The following ZNF521 variants were observed in gnomAD, a reference collection of about 807,000 sequenced individuals.
ZNF521 encodes zinc finger protein 521.
ZNF521 carries 14 observed loss-of-function variants against 105.5 expected under a neutral mutation model. The observed-to-expected ratio is 0.13, with a 90% CI of 0.09 to 0.21. The LOEUF (loss-of-function observed/expected upper bound fraction) is 0.21. Among genes scored for constraint, ZNF521 ranks in the 10% least tolerant of loss-of-function variants. ZNF521 has a pLI of 1.00. For synonymous variants in ZNF521, 635 were observed against 606.0 expected, an observed-to-expected ratio of 1.05 and a Z score of -0.70; for missense variants, 1,233 against 1,629.7, an observed-to-expected ratio of 0.76 and a Z score of 4.19.
At chr18:25,335,209 A>G (rs1290564765) in intron 2 of ZNF521, among the ~76,000 whole-genome samples, 1 of 152,222 alleles carries the variant, frequency 6.6e-6, no homozygotes, top group Non-Finnish European at 1.5e-5. Context: ...TTTTCCTCCC[A>G]TCACCTAAAA....
chr18:25,152,472 C>T (rs370913828), intron 5 of ZNF521, among the ~76,000 whole-genome samples: 2 of 144,072 alleles, frequency 1.4e-5, no homozygotes, highest in African/African-American at 5.3e-5. Flanking sequence ...GAGCGAGACT[C>T]GGTCTCAAAA....
intron 4 of ZNF521, among the ~76,000 whole-genome samples, chr18:25,216,127 T>C (rs1037671081): frequency 7.2e-5 from 11 of 152,252 alleles, no homozygotes; most frequent in Admixed American, 2.0e-4. Flanking sequence ...AAATATTTTT[T>C]AATCAACCTG....
chr18:25,153,957 A>G (rs45481291), intron 5 of ZNF521, among the ~76,000 whole-genome samples: 2,053 of 152,334 alleles, frequency 0.013, 22 homozygotes, highest in Non-Finnish European at 0.021. Context: ...TGGTTCTAAG[A>G]AATCAGGAAT....
At chr18:25,343,023 T>C (rs1914292684) in intron 2 of ZNF521, among the ~76,000 whole-genome samples, 1 of 152,238 alleles carries the variant, frequency 6.6e-6, no homozygotes. Context: ...CAGAAACTCC[T>C]ATAATATGGC....
chr18:25,226,142 C>T lies in ZNF521; in HGVS notation c.1776G>A (p.Leu592=). 6.2e-7 allele frequency: 1 copy of T among 1,614,148 alleles called. No homozygotes were observed. Among genetic ancestry groups the T allele is most frequent in the Non-Finnish European group, 8.5e-7 (1 of 1,180,032 alleles). The change falls in exon 4 of 8, where the codon CTG becomes CTA. Residue 592 remains leucine, a synonymous_variant. Transcript: ENST00000361524. This position sits in a 1 kb window ranked among gnomAD's most constrained non-coding sequence, Gnocchi z 4.1. The stretch of plus-strand genomic sequence containing the variant: ...ATTTCTTCCCATTGTGGATATAATT[C>T]AGGGCCAAGGGAATGTTTTTATGAT... ...KENHKNIPLA[L]NYIHNGKKSR...
intron 5 of ZNF521, among the ~76,000 whole-genome samples, chr18:25,107,325 AAT>A (rs1271988604): frequency 2.6e-5 from 4 of 152,196 alleles, no homozygotes; most frequent in African/African-American, 9.7e-5. Flanking sequence ...CCTTTGTTGA[AAT>A]ATCTTTTAAC....
chr18:25,148,555 A>G (rs1444587666), intron 5 of ZNF521, among the ~76,000 whole-genome samples: 4 of 152,120 alleles, frequency 2.6e-5, no homozygotes, highest in African/African-American at 9.7e-5. Context: ...GGCTAGGTCA[A>G]TGGATAAATC....
At chr18:25,288,702 A>T (rs1910846009) in intron 3 of ZNF521, among the ~76,000 whole-genome samples, 1 of 152,136 alleles carries the variant, frequency 6.6e-6, no homozygotes, top group Non-Finnish European at 1.5e-5. Flanking sequence ...ACATGCAGCC[A>T]GTGAAGTAAA....
chr18:25,081,220 C>T (rs535846380), intron 7 of ZNF521, among the ~76,000 whole-genome samples: 5 of 152,158 alleles, frequency 3.3e-5, no homozygotes, highest in East Asian at 1.9e-4. Flanking sequence ...GATGGCAGTT[C>T]GGAGATGGCC....
At chr18:25,312,642 C>T (rs1912376835) in intron 3 of ZNF521, among the ~76,000 whole-genome samples, 1 of 97,196 alleles carries the variant, frequency 1.0e-5, no homozygotes, top group African/African-American at 3.9e-5. Context: ...GAAACCCCGT[C>T]TCTACTAAAA....
chr18:25,152,713 CTACA>C (rs1461615228), intron 5 of ZNF521, among the ~76,000 whole-genome samples: 3 of 152,192 alleles, frequency 2.0e-5, no homozygotes, highest in African/African-American at 7.2e-5. Flanking sequence ...ACTCTCTTGA[CTACA>C]TACATCTTGA....
chr18:25,242,696 T>C (rs1345454496), intron 3 of ZNF521, among the ~76,000 whole-genome samples: 1 of 152,178 alleles, frequency 6.6e-6, no homozygotes, highest in Non-Finnish European at 1.5e-5. Context: ...GTTTTTCTCA[T>C]TGTTTAGCTA....
At chr18:25,103,254 G>A (rs928045109) in intron 5 of ZNF521, among the ~76,000 whole-genome samples, 1 of 152,156 alleles carries the variant, frequency 6.6e-6, no homozygotes, top group South Asian at 2.1e-4. Context: ...ACCTGTGATG[G>A]AGTGGCTGAA....
intron 5 of ZNF521, 57 bp from the exon 6 acceptor site, chr18:25,092,138 C>A (rs539388807): frequency 2.9e-5 from 46 of 1,597,198 alleles, no homozygotes; most frequent in Non-Finnish European, 3.5e-5. Flanking sequence ...CTTTAATACA[C>A]TAGAGAGTTA....
intron 3 of ZNF521, among the ~76,000 whole-genome samples, chr18:25,285,824 G>A (rs965917858): frequency 7.9e-5 from 12 of 152,144 alleles, no homozygotes; most frequent in African/African-American, 2.9e-4. Flanking sequence ...TACAGTGCAA[G>A]GCCCAGGCTT....
chr18:25,277,186 A>G (rs1460057158), intron 3 of ZNF521, among the ~76,000 whole-genome samples: 1 of 152,026 alleles, frequency 6.6e-6, no homozygotes, highest in Non-Finnish European at 1.5e-5. Context: ...CCGTCTCAAA[A>G]AAAAAAAAAA....
intron 5 of ZNF521, among the ~76,000 whole-genome samples, chr18:25,156,555 T>A (rs1269886266): frequency 1.3e-5 from 2 of 152,224 alleles, no homozygotes; most frequent in African/African-American, 4.8e-5. Context: ...GTTTAATCCA[T>A]TGAAATCTTG....
intron 5 of ZNF521, among the ~76,000 whole-genome samples, chr18:25,163,279 A>G (rs2035281348): frequency 6.6e-6 from 1 of 152,220 alleles, no homozygotes; most frequent in Non-Finnish European, 1.5e-5. Flanking sequence ...GTATGGCCTG[A>G]ATCAAACAGT....
At chr18:25,306,225 AT>A (rs201294507) in intron 3 of ZNF521, among the ~76,000 whole-genome samples, 6,651 of 152,224 alleles carry the variant, frequency 0.044, 190 homozygotes, top group Non-Finnish European at 0.064. Context: ...GATTACATTG[AT>A]TTTTTTTAAG....
Sources: allele counts gnomAD v4.1 joint callset (sites outside exome capture counted in the v4.1 genomes callset), GRCh38; gene constraint gnomAD v4.1.1; non-coding constraint Gnocchi (gnomAD v3.1); transcripts MANE v1.5; gene names NCBI Gene and HGNC (gene_info 2026-07-23, HGNC 2026-07-21).